Variants in PAFAH1B2 observed in about 807,000 individuals in gnomAD.
PAFAH1B2 encodes the protein platelet-activating factor acetylhydrolase IB subunit alpha2.
Under a neutral mutation model 28.0 loss-of-function variants are expected in PAFAH1B2, and 8 were observed. The ratio of observed to expected loss-of-function variants is 0.29; its 90% CI spans 0.17 to 0.52. PAFAH1B2 has a LOEUF of 0.52. PAFAH1B2 is among the 20% of genes least tolerant of loss of function. The pLI is 0.97. For synonymous variants in PAFAH1B2, 104 were observed against 103.2 expected (o/e 1.01, Z -0.05); for missense variants, 190 against 282.6 (o/e 0.67, Z 2.35).
downstream of PAFAH1B2, chr11:117,175,218 T>A: frequency 3.6e-6 from 4 of 1,098,286 alleles, no homozygotes; most frequent in Non-Finnish European, 4.4e-6. Flanking sequence ...GCTGGACCTG[T>A]GCACAAGGCC....
intron 2 of PAFAH1B2, chr11:117,159,725 A>G: frequency 1.0e-5 from 5 of 495,808 alleles, no homozygotes; most frequent in East Asian, 3.2e-5. Context: ...AGAGAGCCAG[A>G]CGCTGTCTTA....
rs1233999704 is a variant in PAFAH1B2, at chr11:117,167,516, C to T, written c.507C>T (p.Asn169=). Residue 169 remains asparagine (N), a synonymous_variant, in exon 6 of 6, where the codon AAC becomes AAT. Transcript: ENST00000527958. Reference sequence around the variant, plus strand: ...AGGTTTCGCTGCCGAAGCTTGCCAACGTGCAGCTCCTGGATACCGACGGGG... The same window carrying T: ...AGGTTTCGCTGCCGAAGCTTGCCAATGTGCAGCTCCTGGATACCGACGGGG... ...LLKVSLPKLA[N]VQLLDTDGGF... 5 of 1,612,648 alleles carry T rather than the reference C, an allele frequency of 3.1e-6. No homozygotes were observed. The highest frequency in any genetic ancestry group is 4.5e-5 in the East Asian group (2 of 44,848).
downstream of PAFAH1B2, chr11:117,175,623 G>A: frequency 8.1e-7 from 1 of 1,232,036 alleles, no homozygotes; most frequent in East Asian, 3.5e-5. Flanking sequence ...TTCCAGAGCA[G>A]TGGTTCTCAA....
chr11:117,148,267 G>C (rs1956062920), intron 1 of PAFAH1B2, among the ~76,000 whole-genome samples: 1 of 151,942 alleles, frequency 6.6e-6, no homozygotes, highest in Non-Finnish European at 1.5e-5. Context: ...TGGCCAGGCT[G>C]GTCTCGAACT....
chr11:117,146,119 T>C (rs1446222911), intron 1 of PAFAH1B2, among the ~76,000 whole-genome samples: 10 of 147,264 alleles, frequency 6.8e-5, no homozygotes, highest in Non-Finnish European at 1.2e-4. Flanking sequence ...TCTTTCTTTT[T>C]TTTTTTTTTT....
Position 117,167,597 on chromosome 11 carries a change from T to C in PAFAH1B2, c.588T>C (p.His196=), listed in dbSNP as rs1230755194. 2 of 1,612,756 alleles carry C rather than the reference T, an allele frequency of 1.2e-6. No individual in the cohort carries two copies. Among genetic ancestry groups the C allele is most frequent in the East Asian group, 4.5e-5 (2 of 44,838 alleles). ...ISCHDMFDFL[H]LTGGGYAKIC... Reference sequence around the variant, plus strand: ...GCCACGACATGTTTGATTTTCTGCATCTGACAGGAGGGGGCTATGCAAAGA... The same window carrying C: ...GCCACGACATGTTTGATTTTCTGCACCTGACAGGAGGGGGCTATGCAAAGA... The change falls in exon 6 of 6, where the codon CAT becomes CAC. Residue 196 remains histidine (H), a synonymous_variant. Coordinates refer to ENST00000527958, the MANE Select transcript of PAFAH1B2 (RefSeq NM_002572.4).
rs1956607892 is a variant in PAFAH1B2, at chr11:117,169,815, T to C, written c.*2116T>C. The stretch of plus-strand genomic sequence containing the variant: ...ATTTTTGTGTGTGGAAAGACAGTTT[T>C]CTATCCACGTCTTTTTCTGTTTGTC... On this transcript the variant is annotated 3_prime_UTR_variant, in exon 6 of 6. Coordinates refer to ENST00000527958, the MANE Select transcript of PAFAH1B2 (RefSeq NM_002572.4). 9.5e-7 allele frequency: 1 copy of C among 1,055,848 alleles called. No homozygotes were observed. Among genetic ancestry groups the C allele is most frequent in the Non-Finnish European group, 1.1e-6 (1 of 873,454 alleles). The allele number at this position is 1,055,848 out of a possible 1,614,324, so 65.4% of individuals were successfully genotyped here. A position where few individuals can be genotyped will look rare whatever the true frequency, so the allele number is the denominator to read the frequency against.
chr11:117,152,558 A>G (rs778198447), intron 2 of PAFAH1B2, 30 bp downstream of exon 2: 3 of 1,442,858 alleles, frequency 2.1e-6, no homozygotes, highest in South Asian at 1.1e-5. Context: ...TATCATTCAC[A>G]TGAGTTGAGT....
At chr11:117,162,437 C>A (rs534030473) in intron 4 of PAFAH1B2, among the ~76,000 whole-genome samples, 1 of 137,524 alleles carries the variant, frequency 7.3e-6, no homozygotes, top group East Asian at 2.0e-4. Context: ...AGCTACCATG[C>A]GAGACTGTGA....
At position 117,152,606 on chromosome 11, in the gene PAFAH1B2, C is replaced by CAA. The variant is rs1336964060; in HGVS notation, c.81+79_81+80dup. 37 of 1,014,658 alleles carry CAA rather than the reference C, an allele frequency of 3.6e-5. No homozygotes were observed. In the Middle Eastern group the frequency reaches 6.3e-4, roughly 17 times the overall value. 62.9% of individuals were successfully genotyped at this position (1,014,658 alleles called of 1,614,324 possible). On this transcript the variant is annotated intron_variant, in intron 2 of 5. Coordinates refer to ENST00000527958, the MANE Select transcript of PAFAH1B2 (RefSeq NM_002572.4). ...GTCTGTTTTGTTTTAGTTTTTGAGA[C>CAA]AAGGTCTCACTGTGTTGCCCAGGCT...
intron 2 of PAFAH1B2, among the ~76,000 whole-genome samples, chr11:117,157,122 CTT>C (rs1956271494): frequency 6.6e-6 from 1 of 151,460 alleles, no homozygotes; most frequent in Non-Finnish European, 1.5e-5. Flanking sequence ...ATTCACTAAA[CTT>C]TTATTCTTTC....
At position 117,167,770 on chromosome 11, in the gene PAFAH1B2, T is replaced by A. The variant is rs1248208729; in HGVS notation, c.*71T>A. The A allele has an allele frequency of 1.4e-6, 2 of 1,393,660 alleles. No homozygotes were observed. Among genetic ancestry groups the A allele is most frequent in the African/African-American group, 2.9e-5 (2 of 69,202 alleles). The allele number at this position is 1,393,660 out of a possible 1,614,324, so 86.3% of individuals were successfully genotyped here. A position where few individuals can be genotyped will look rare whatever the true frequency, so the allele number is the denominator to read the frequency against. ...TTCTATCACTGGCACTACAGAATCC[T>A]TCTCTTTCTTAAGGCACTTTGCATT... On this transcript the variant is annotated 3_prime_UTR_variant, in exon 6 of 6. Coordinates refer to ENST00000527958, the MANE Select transcript of PAFAH1B2 (RefSeq NM_002572.4).
At chr11:117,160,166 C>G in intron 3 of PAFAH1B2, 143 bp downstream of exon 3, 1 of 662,466 alleles carries the variant, frequency 1.5e-6, no homozygotes. Context: ...TCAAAGCTAC[C>G]TAAAGGGATT....
chr11:117,150,048 T>C (rs1565261102), intron 1 of PAFAH1B2, among the ~76,000 whole-genome samples: 1 of 152,208 alleles, frequency 6.6e-6, no homozygotes, highest in Non-Finnish European at 1.5e-5. Flanking sequence ...TTTTATTAAC[T>C]AACATGTAAG....
At chr11:117,147,258 A>C (rs1956034876) in intron 1 of PAFAH1B2, among the ~76,000 whole-genome samples, 1 of 152,184 alleles carries the variant, frequency 6.6e-6, no homozygotes, top group Admixed American at 6.5e-5. Context: ...ACGGGAGCGA[A>C]ACTCTGTCTC....
chr11:117,168,560 G>T lies in PAFAH1B2; in HGVS notation c.*861G>T. 1 of 1,044,990 alleles carries T rather than the reference G, an allele frequency of 9.6e-7. No individual in the cohort carries two copies. Among genetic ancestry groups the T allele is most frequent in the Admixed American group, 5.9e-5 (1 of 16,836 alleles). 64.7% of individuals were successfully genotyped at this position (1,044,990 alleles called of 1,614,324 possible). On this transcript the variant is annotated 3_prime_UTR_variant, in exon 6 of 6. Coordinates refer to ENST00000527958, the MANE Select transcript of PAFAH1B2 (RefSeq NM_002572.4). ...ATAGTCTCCAGCCAGTTACTCTCAT[G>T]ATAGTACTGCTATAAAACTCATTCT...
rs760357455 is a variant in PAFAH1B2 at position 117,168,667 on chromosome 11, T to A, written c.*968T>A. ...GTTTTGTTTTTCCCTTAAAACCTGT[T>A]AACAGTTTTTTTTGGGGGTGGGGGG... On this transcript the variant is annotated 3_prime_UTR_variant, in exon 6 of 6. Coordinates refer to ENST00000527958, the MANE Select transcript of PAFAH1B2 (RefSeq NM_002572.4). 53 of 1,063,560 alleles carry A rather than the reference T, an allele frequency of 5.0e-5. No individual in the cohort carries two copies. Among genetic ancestry groups the A allele is most frequent in the Middle Eastern group, 4.2e-4 (1 of 2,378 alleles). 65.9% of individuals were successfully genotyped at this position (1,063,560 alleles called of 1,614,324 possible).
At chr11:117,176,631 C>G (rs2029994717) in exon 6 of PAFAH1B2, 1 of 171,382 alleles carries the variant, frequency 5.8e-6, no homozygotes, top group Non-Finnish European at 1.3e-5. Flanking sequence ...AATCCCAACA[C>G]TTTGGGAAGC....
In PAFAH1B2 at chr11:117,168,334, G is replaced by C; in HGVS notation, c.*635G>C. 1 of 1,059,330 alleles carries C rather than the reference G, an allele frequency of 9.4e-7. No homozygotes were observed. The highest frequency in any genetic ancestry group is 1.1e-6 in the Non-Finnish European group (1 of 875,860). The allele number at this position is 1,059,330 out of a possible 1,614,324, so 65.6% of individuals were successfully genotyped here. ...CCCCAGTAGAGGGATTCTTTGGAGGGTATTATTTTTTATGCTGCTGAATAT... is the reference window on the plus strand; with the variant it reads ...CCCCAGTAGAGGGATTCTTTGGAGGCTATTATTTTTTATGCTGCTGAATAT... On this transcript the variant is annotated 3_prime_UTR_variant, in exon 6 of 6. Coordinates refer to ENST00000527958, the MANE Select transcript of PAFAH1B2 (RefSeq NM_002572.4).
Sources: allele counts gnomAD v4.1 joint callset (sites outside exome capture counted in the v4.1 genomes callset), GRCh38; gene constraint gnomAD v4.1.1; transcripts MANE v1.5; gene names NCBI Gene and HGNC (gene_info 2026-07-23, HGNC 2026-07-21).